The following LIPI variants were observed in gnomAD, a reference collection of about 807,000 sequenced individuals.
LIPI encodes lipase member I.
A neutral mutation model predicts 50.6 loss-of-function variants in LIPI; 59 were observed. The observed-to-expected ratio is 1.16, with a 90% CI of 0.94 to 1.45. The LOEUF (loss-of-function observed/expected upper bound fraction) is 1.45. Ranked by LOEUF, LIPI falls within the 40% of genes most tolerant of loss-of-function variation. LIPI has a pLI of 0.00. For missense variants in LIPI, 586 were observed against 536.3 expected, an observed-to-expected ratio of 1.09 and a Z score of -0.92; for synonymous variants, 203 against 178.2, an observed-to-expected ratio of 1.14 and a Z score of -1.11.
At chr21:14,198,873 C>T (rs1469055471) in intron 1 of LIPI, among the ~76,000 whole-genome samples, 1 of 151,990 alleles carries the variant, frequency 6.6e-6, no homozygotes, top group Non-Finnish European at 1.5e-5. Flanking sequence ...AAACACTCCT[C>T]AGCAAAACAA....
intron 2 of LIPI, among the ~76,000 whole-genome samples, chr21:14,187,980 T>C (rs1023323671): frequency 6.6e-6 from 1 of 152,196 alleles, no homozygotes. Context: ...AACGGCTTCT[T>C]GGAAGTGTTG....
intron 1 of LIPI, chr21:14,207,047 A>G (rs1191295767): frequency 5.6e-6 from 4 of 712,102 alleles, no homozygotes; most frequent in Admixed American, 4.0e-5. Flanking sequence ...CTACGAAGAC[A>G]GTGGCTTCTA....
chr21:14,142,953 A>G (rs2017767576), intron 9 of LIPI, among the ~76,000 whole-genome samples: 1 of 152,166 alleles, frequency 6.6e-6, no homozygotes, highest in Non-Finnish European at 1.5e-5. Context: ...TTTAATCAGC[A>G]TGCTACTTGA....
intron 1 of LIPI, among the ~76,000 whole-genome samples, chr21:14,203,611 A>G (rs1261100074): frequency 1.3e-5 from 2 of 151,974 alleles, no homozygotes; most frequent in Non-Finnish European, 2.9e-5. Flanking sequence ...GCATGTTCTC[A>G]CTCATAGGTG....
chr21:14,169,032 T>C (rs540956223), intron 4 of LIPI, among the ~76,000 whole-genome samples: 3 of 151,358 alleles, frequency 2.0e-5, no homozygotes, highest in Admixed American at 6.6e-5. Flanking sequence ...ACCAAGCAAA[T>C]GGAAAACAAA....
At chr21:14,112,617 C>CTTGAT (rs146528452) in intron 9 of LIPI, among the ~76,000 whole-genome samples, 76,482 of 151,090 alleles carry the variant, frequency 0.51, 19,360 homozygotes, top group African/African-American at 0.53. Context: ...CAATTGTGTT[C>CTTGAT]TTATTTTTCA....
At chr21:14,171,856 A>T (rs1296611756) in intron 4 of LIPI, among the ~76,000 whole-genome samples, 1 of 150,454 alleles carries the variant, frequency 6.6e-6, no homozygotes, top group Non-Finnish European at 1.5e-5. Context: ...AAAAGCCAAA[A>T]TTGAGAAATG....
intron 1 of LIPI, among the ~76,000 whole-genome samples, chr21:14,207,104 A>G (rs1357689113): frequency 6.6e-6 from 1 of 152,218 alleles, no homozygotes; most frequent in Non-Finnish European, 1.5e-5. Context: ...AAAATGTTAA[A>G]ATCCCTGAAT....
At chr21:14,200,396 C>A (rs1209211592) in intron 1 of LIPI, among the ~76,000 whole-genome samples, 2 of 152,062 alleles carry the variant, frequency 1.3e-5, no homozygotes, top group Non-Finnish European at 2.9e-5. Flanking sequence ...TAAAGAAGAA[C>A]TTCAGCAAAG....
At chr21:14,154,103 AG>A (rs1391065595) in intron 7 of LIPI, among the ~76,000 whole-genome samples, 15 of 152,112 alleles carry the variant, frequency 9.9e-5, no homozygotes. Context: ...TAGCACAAAT[AG>A]GTTTTTTTTA....
At chr21:14,145,159 G>A (rs2017858117) in intron 8 of LIPI, among the ~76,000 whole-genome samples, 1 of 111,842 alleles carries the variant, frequency 8.9e-6, no homozygotes, top group South Asian at 2.9e-4. Context: ...GTGCTTAACG[G>A]ACAACTTAAA....
chr21:14,169,285 T>A (rs1393037469), intron 4 of LIPI, among the ~76,000 whole-genome samples: 2 of 152,048 alleles, frequency 1.3e-5, no homozygotes, highest in Admixed American at 1.3e-4. Flanking sequence ...CACCTCACTG[T>A]CAACATTAGA....
chr21:14,144,503 T>C (rs1237625262), intron 9 of LIPI, 120 bp downstream of exon 9: 1 of 535,512 alleles, frequency 1.9e-6, no homozygotes, highest in East Asian at 3.0e-5. Flanking sequence ...ATGTAAAATA[T>C]AGTCTGAAAT....
chr21:14,147,288 C>T (rs2017941801), intron 8 of LIPI, among the ~76,000 whole-genome samples: 2 of 152,076 alleles, frequency 1.3e-5, no homozygotes, highest in Non-Finnish European at 2.9e-5. Context: ...TTTTAATTTT[C>T]TATATACATT....
At chr21:14,132,814 G>A (rs1364513258) in intron 9 of LIPI, among the ~76,000 whole-genome samples, 3 of 152,084 alleles carry the variant, frequency 2.0e-5, no homozygotes, top group African/African-American at 7.2e-5. Flanking sequence ...AGAAAAAAGG[G>A]ATATTACAAC....
intron 1 of LIPI, chr21:14,207,043 A>G: frequency 1.4e-6 from 1 of 726,490 alleles, no homozygotes; most frequent in Non-Finnish European, 2.5e-6. Context: ...TATGCTACGA[A>G]GACAGTGGCT....
intron 4 of LIPI, among the ~76,000 whole-genome samples, chr21:14,174,139 C>A (rs2019013496): frequency 6.6e-6 from 1 of 152,098 alleles, no homozygotes; most frequent in Non-Finnish European, 1.5e-5. Flanking sequence ...GAGACTCAAA[C>A]CAACAGGACT....
chr21:14,179,848 A>G (rs956984604), intron 4 of LIPI, among the ~76,000 whole-genome samples: 10 of 152,188 alleles, frequency 6.6e-5, no homozygotes, highest in Non-Finnish European at 1.3e-4. Context: ...TGCACCTTGA[A>G]AAAGAACAGA....
At chr21:14,132,776 A>G (rs1255157715) in intron 9 of LIPI, among the ~76,000 whole-genome samples, 2 of 152,168 alleles carry the variant, frequency 1.3e-5, no homozygotes, top group Non-Finnish European at 2.9e-5. Context: ...CCAAAAACAG[A>G]GAAGATCCAA....
Sources: allele counts gnomAD v4.1 joint callset (sites outside exome capture counted in the v4.1 genomes callset), GRCh38; gene constraint gnomAD v4.1.1; transcripts MANE v1.5; gene names NCBI Gene and HGNC (gene_info 2026-07-23, HGNC 2026-07-21).